The following PADI3 variants were observed in gnomAD, a reference collection of about 807,000 sequenced individuals.
PADI3 encodes peptidyl arginine deiminase 3.
PADI3 carries 53 observed loss-of-function variants against 71.5 expected under a neutral mutation model. That is an observed-to-expected ratio of 0.74 (90% CI 0.59 to 0.93). The LOEUF is 0.93. PADI3 is among the 40% of genes least tolerant of loss of function. The pLI, the probability that PADI3 is intolerant of heterozygous loss-of-function variation, is 0.00. For synonymous variants in PADI3, 361 were observed against 347.5 expected, an observed-to-expected ratio of 1.04 and a Z score of -0.43; for missense variants, 821 against 868.0, an observed-to-expected ratio of 0.95 and a Z score of 0.68.
intron 6 of PADI3, among the ~76,000 whole-genome samples, chr1:17,268,498 C>CT (rs564947321): frequency 0.012 from 1,038 of 89,408 alleles, 179 homozygotes; most frequent in East Asian, 0.018. Flanking sequence ...TAATAAGATG[C>CT]TTTTTTTTTT....
intron 1 of PADI3, among the ~76,000 whole-genome samples, chr1:17,251,332 C>T (rs2072963412): frequency 6.6e-6 from 1 of 152,300 alleles, no homozygotes; most frequent in African/African-American, 2.4e-5. Context: ...CCTGGGTCCT[C>T]AGCCTGCGGG....
intron 4 of PADI3, 36 bp from the exon 5 acceptor site, chr1:17,266,683 G>T (rs1255466819): frequency 6.4e-7 from 1 of 1,563,912 alleles, no homozygotes; most frequent in Non-Finnish European, 8.8e-7. Flanking sequence ...GGTCTCATCT[G>T]AGCCCTCATC....
At chr1:17,257,570 C>T (rs1022037746) in intron 1 of PADI3, among the ~76,000 whole-genome samples, 3 of 152,210 alleles carry the variant, frequency 2.0e-5, no homozygotes, top group African/African-American at 7.2e-5. Flanking sequence ...CTGTCCCTCC[C>T]AACTGGTGAG....
At chr1:17,282,817 T>C in intron 15 of PADI3, 29 bp from the exon 16 acceptor site, 1 of 1,550,092 alleles carries the variant, frequency 6.5e-7, no homozygotes, top group South Asian at 1.2e-5. Context: ...AGCCCAGTGA[T>C]GAAGTGCTGC....
In PADI3 at chr1:17,276,698, C is replaced by T. The variant is rs760097396; in HGVS notation, c.1452+35C>T. 1.9e-6 allele frequency: 3 copies of T among 1,613,884 alleles called. No homozygotes were observed. In the South Asian group the frequency reaches 3.3e-5, roughly 18 times the overall value. ...TCGTGCATGACGTGTCTTTCCCTGG[C>T]ATCTGGGGCAAGAACTGAGCTCCAG... is the stretch of plus-strand genomic sequence containing the variant. On this transcript the variant is annotated intron_variant, in intron 12 of 15. Coordinates refer to ENST00000375460, the MANE Select transcript of PADI3 (RefSeq NM_016233.2).
intron 3 of PADI3, among the ~76,000 whole-genome samples, chr1:17,262,442 C>T (rs1173230932): frequency 6.6e-6 from 1 of 152,142 alleles, no homozygotes; most frequent in Admixed American, 6.5e-5. Context: ...GGAACTGGAC[C>T]TTGCTTTTGC....
At chr1:17,270,832 C>T in intron 7 of PADI3, 47 bp from the exon 8 acceptor site, 1 of 1,414,378 alleles carries the variant, frequency 7.1e-7, no homozygotes, top group Non-Finnish European at 1.0e-6. Flanking sequence ...CCCCAGGCCT[C>T]TGGACTCCAA....
chr1:17,269,822 T>C (rs1327711456), intron 6 of PADI3, among the ~76,000 whole-genome samples: 1 of 152,060 alleles, frequency 6.6e-6, no homozygotes, highest in East Asian at 1.9e-4. Context: ...TTTCACTATG[T>C]TAGCCAGGCT....
chr1:17,271,233 C>T (rs1031518225), intron 9 of PADI3, 55 bp downstream of exon 9: 10 of 1,432,584 alleles, frequency 7.0e-6, no homozygotes, highest in African/African-American at 1.4e-5. Context: ...GAGAGAGAGG[C>T]CTTCATTTGG....
At chr1:17,279,484 C>T (rs773404962) in intron 13 of PADI3, among the ~76,000 whole-genome samples, 6 of 152,134 alleles carry the variant, frequency 3.9e-5, no homozygotes, top group African/African-American at 1.4e-4. Context: ...TGGGGTGAAG[C>T]GGGCGTTAGA....
intron 1 of PADI3, among the ~76,000 whole-genome samples, chr1:17,251,183 C>G (rs2072961849): frequency 6.6e-6 from 1 of 152,212 alleles, no homozygotes; most frequent in Non-Finnish European, 1.5e-5. Flanking sequence ...ACAAGCAGCT[C>G]CTCCTCTCTG....
At chr1:17,270,503 C>T (rs1212274388) in intron 7 of PADI3, 92 bp downstream of exon 7, 29 of 1,073,262 alleles carry the variant, frequency 2.7e-5, no homozygotes, top group Non-Finnish European at 3.6e-5. Context: ...AAAAAAATAG[C>T]GAGGTATAGT....
Position 17,280,680 on chromosome 1 carries a change from G to T in PADI3, c.1645G>T (p.Asp549Tyr). ...CCTCCCCTGCCCCCAGAGCTGCATCGACTGGAACCGTGAGGTGCTGAAGCG... is the reference window on the plus strand; with the variant it reads ...CCTCCCCTGCCCCCAGAGCTGCATCTACTGGAACCGTGAGGTGCTGAAGCG... ...NYNKFVQSCI[D>Y]WNREVLKREL... Residue 549 changes from aspartate (D) to tyrosine (Y), a missense_variant, in exon 15 of 16, where the codon GAC (aspartate) becomes TAC (tyrosine). Asp to Tyr is a radical substitution (Grantham distance 160, BLOSUM62 -3). Coordinates refer to ENST00000375460, the MANE Select transcript of PADI3 (RefSeq NM_016233.2). 1 of 1,614,122 alleles carries T rather than the reference G, an allele frequency of 6.2e-7. No homozygotes were observed. The highest frequency in any genetic ancestry group is 8.5e-7 in the Non-Finnish European group (1 of 1,180,014).
In PADI3 at chr1:17,276,673, T is replaced by C. The variant is rs1215433867; in HGVS notation, c.1452+10T>C. 1 of 1,614,020 alleles carries C rather than the reference T, an allele frequency of 6.2e-7. No individual in the cohort carries two copies. The highest frequency in any genetic ancestry group is 2.2e-5 in the East Asian group (1 of 44,880). The stretch of plus-strand genomic sequence containing the variant: ...TGCCCCCGATGGGAAGGTAAGAACT[T>C]CGTGCATGACGTGTCTTTCCCTGGC... On this transcript the variant is annotated intron_variant, in intron 12 of 15. Transcript: ENST00000375460.
Position 17,265,658 on chromosome 1 carries a change from G to A in PADI3, c.347-1G>A. 7 of 1,614,108 alleles carry A rather than the reference G, an allele frequency of 4.3e-6. No homozygotes were observed. Among genetic ancestry groups the A allele is most frequent in the Non-Finnish European group, 5.9e-6 (7 of 1,179,966 alleles). On this transcript the variant is annotated splice_acceptor_variant, in intron 3 of 15. Coordinates refer to ENST00000375460, the MANE Select transcript of PADI3 (RefSeq NM_016233.2). LOFTEE classifies it high-confidence loss of function. ...GACTTACCCTCTGCCTCCTCTTGCA[G>A]ACATCTCTCTGGATTGCGACCTGAA...
intron 1 of PADI3, among the ~76,000 whole-genome samples, chr1:17,252,400 C>CTTCT (rs1553132678): frequency 3.4e-5 from 4 of 119,000 alleles, no homozygotes; most frequent in African/African-American, 7.0e-5. Context: ...TTTTCTTCTT[C>CTTCT]TTTTTTTTTT....
chr1:17,278,711 G>C (rs1169337943), intron 13 of PADI3, among the ~76,000 whole-genome samples: 4 of 151,786 alleles, frequency 2.6e-5, no homozygotes, highest in African/African-American at 9.7e-5. Context: ...GACCCCAGAG[G>C]TCCCAGGGCA....
At chr1:17,277,553 GC>G (rs1334409825) in intron 13 of PADI3, among the ~76,000 whole-genome samples, 4 of 152,188 alleles carry the variant, frequency 2.6e-5, no homozygotes, top group Non-Finnish European at 5.9e-5. Context: ...CATCTACGGG[GC>G]TTGGAGCCTC....
intron 3 of PADI3, among the ~76,000 whole-genome samples, chr1:17,265,263 C>T (rs2073152775): frequency 6.6e-6 from 1 of 152,084 alleles, no homozygotes; most frequent in South Asian, 2.1e-4. Context: ...GGCGGCAGAA[C>T]CTGGGTTTGT....
Sources: gnomAD v4.1 joint callset for allele counts (sites outside exome capture counted in the v4.1 genomes callset) on GRCh38, gnomAD v4.1.1 for gene constraint, MANE v1.5 for transcripts, NCBI Gene and HGNC (gene_info 2026-07-23, HGNC 2026-07-21) for gene names.